The following NTRK1 variants were observed in gnomAD, a reference collection of about 807,000 sequenced individuals.
The protein encoded by NTRK1 is neurotrophic receptor tyrosine kinase 1, also known as high affinity nerve growth factor receptor.
Under a neutral mutation model 86.8 loss-of-function variants are expected in NTRK1, and 62 were observed. The ratio of observed to expected loss-of-function variants is 0.71; its 90% CI spans 0.58 to 0.88. NTRK1 has a LOEUF of 0.88. Ranked by LOEUF, NTRK1 falls within the 40% of genes least tolerant of loss-of-function variation. NTRK1 has a pLI of 0.00. For synonymous variants in NTRK1, 469 were observed against 456.6 expected (o/e 1.03, Z -0.35); for missense variants, 967 against 1,078.4 (o/e 0.90, Z 1.45).
Position 156,864,745 on chromosome 1 carries a change from G to A in NTRK1, c.305G>A (p.Gly102Asp), listed in dbSNP as rs374170641. 12 of 1,613,986 alleles carry A rather than the reference G, an allele frequency of 7.4e-6. No homozygotes were observed. The highest frequency in any genetic ancestry group is 9.3e-6 in the Non-Finnish European group (11 of 1,180,006). Residue 102 changes from glycine (G) to aspartate (D), a missense_variant, in exon 3 of 17, where the codon GGT becomes GAT. By Grantham distance (94) the Gly-to-Asp change is moderately conservative. This residue lies in a region of NTRK1 where 330 missense variants were observed against 302.0 expected (regional missense o/e 1.09). Coordinates refer to ENST00000524377, the MANE Select transcript of NTRK1 (RefSeq NM_002529.4). ...ELRNLTIVKS[G>D]LRFVAPDAFH... is the part of the protein sequence containing the mutation. ...CTCCCCAGCACCATCGTGAAGAGTG[G>A]TCTCCGTTTCGTGGCGCCAGATGCC...
chr1:156,844,526 C>T (rs1387798839), intron 2 of NTRK1: 2 of 1,614,142 alleles, frequency 1.2e-6, no homozygotes. Context: ...GTGAGGTTGC[C>T]CTAACCCTGG....
chr1:156,878,793 C>T (rs1324733121), intron 14 of NTRK1, among the ~76,000 whole-genome samples: 3 of 152,102 alleles, frequency 2.0e-5, no homozygotes, highest in Non-Finnish European at 4.4e-5. Context: ...GGAAAGACAC[C>T]GAGCTCCAAT....
In NTRK1 at chr1:156,841,444, G is replaced by A. The variant is rs766058911; in HGVS notation, c.-63-637G>A. On this transcript the variant is annotated intron_variant, in intron 1 of 16. Transcript: ENST00000392302. ...CCTCCAGGACCCCGCCATCCATGACGAACTTCAGCACCTGCTCATTGGACA... is the reference window on the plus strand; with the variant it reads ...CCTCCAGGACCCCGCCATCCATGACAAACTTCAGCACCTGCTCATTGGACA... 57 of 1,613,788 alleles carry A rather than the reference G, an allele frequency of 3.5e-5. No individual in the cohort carries two copies. The Admixed American group carries it at 6.5e-4, about 18-fold the overall frequency.
At chr1:156,845,076 T>A (rs150115105) in intron 2 of NTRK1, 2 of 1,604,914 alleles carry the variant, frequency 1.2e-6, no homozygotes, top group Non-Finnish European at 1.7e-6. Context: ...GATCACCTAC[T>A]GTGGGGCATG....
intron 2 of NTRK1, chr1:156,846,817 C>T (rs1655032089): frequency 1.4e-6 from 2 of 1,379,780 alleles, no homozygotes; most frequent in South Asian, 1.2e-5. Flanking sequence ...TTCTGGCACC[C>T]CCGCTCTGAA....
chr1:156,842,530 GC>G, intron 2 of NTRK1: 1 of 1,590,592 alleles, frequency 6.3e-7, no homozygotes, highest in South Asian at 1.1e-5. Flanking sequence ...AAAGGGCCTA[GC>G]AGACCCCCTA....
In NTRK1 at chr1:156,852,150, C is replaced by T. The variant is rs141091280; in HGVS notation, c.50+9957C>T. On this transcript the variant is annotated intron_variant, in intron 2 of 16. Coordinates refer to the NTRK1 transcript ENST00000392302. ...CCCAGGCATTCGGTGTGGCAGCACT[C>T]GCCCCTCGCTGTGCAAGCCATCCCA... The T allele has an allele frequency of 1.1e-4, 179 of 1,610,464 alleles. No homozygotes were observed. In the African/African-American group the frequency reaches 2.1e-3, roughly 19 times the overall value.
rs530178155 is a variant in NTRK1, at chr1:156,865,563, C to T, written c.359+764C>T. Among the ~76,000 whole-genome samples, 30 of 152,260 alleles carry T rather than the reference C, an allele frequency of 2.0e-4. No individual in the cohort carries two copies. In the East Asian group the frequency reaches 3.3e-3, roughly 17 times the overall value. On this transcript the variant is annotated intron_variant, in intron 3 of 16. Transcript: ENST00000524377. The stretch of plus-strand genomic sequence containing the variant: ...CCACATATTTGCCCTGTTTATAGCC[C>T]CTCTTCCTTGCTGTGCTTCTCTTTT...
chr1:156,844,910 C>T, intron 2 of NTRK1: 1 of 1,597,068 alleles, frequency 6.3e-7, no homozygotes, highest in Non-Finnish European at 8.5e-7. Flanking sequence ...CAAACCCAAG[C>T]TAAACTGGGC....
intron 2 of NTRK1, chr1:156,845,701 C>A: frequency 6.2e-7 from 1 of 1,613,480 alleles, no homozygotes; most frequent in South Asian, 1.1e-5. Context: ...GGGGGCAGAA[C>A]CTGACCAGGA....
intron 1 of NTRK1, among the ~76,000 whole-genome samples, chr1:156,827,118 T>C (rs1654337977): frequency 6.6e-6 from 1 of 151,602 alleles, no homozygotes; most frequent in Non-Finnish European, 1.5e-5. Flanking sequence ...GATCTCTCTC[T>C]GTCACTCAGG....
intron 6 of NTRK1, among the ~76,000 whole-genome samples, chr1:156,871,043 C>T (rs1238736626): frequency 6.6e-6 from 1 of 152,184 alleles, no homozygotes; most frequent in East Asian, 1.9e-4. Flanking sequence ...TTCTGATCTT[C>T]CTTGGGCTGA....
chr1:156,867,958 C>A, intron 4 of NTRK1, 146 bp from the exon 5 acceptor site: 1 of 890,556 alleles, frequency 1.1e-6, no homozygotes, highest in Non-Finnish European at 1.8e-6. Context: ...TGAATAACAT[C>A]CTGTTACTGG....
At chr1:156,844,424 GT>G in intron 2 of NTRK1, 3 of 1,601,320 alleles carry the variant, frequency 1.9e-6, no homozygotes, top group Non-Finnish European at 2.6e-6. Flanking sequence ...AGGTAGGGCT[GT>G]TCGGTGATAC....
intron 1 of NTRK1, among the ~76,000 whole-genome samples, chr1:156,838,274 G>A (rs1288630773): frequency 6.6e-6 from 1 of 152,102 alleles, no homozygotes; most frequent in Admixed American, 6.5e-5. Context: ...CCCATTCTCG[G>A]GTGGAAGACC....
chr1:156,850,565 T>TTTTG, intron 2 of NTRK1, among the ~76,000 whole-genome samples: 1 of 132,516 alleles, frequency 7.5e-6, no homozygotes, highest in African/African-American at 3.1e-5. Flanking sequence ...TTTTTTTTTT[T>TTTTG]GAGATGGAGT....
intron 1 of NTRK1, among the ~76,000 whole-genome samples, chr1:156,824,468 A>G (rs554084185): frequency 6.6e-6 from 1 of 152,242 alleles, no homozygotes; most frequent in East Asian, 1.9e-4. Flanking sequence ...TGCTCATGCA[A>G]TTTACTTATG....
chr1:156,846,732 C>A (rs532604169), intron 2 of NTRK1: 5 of 1,614,084 alleles, frequency 3.1e-6, no homozygotes, highest in Non-Finnish European at 3.4e-6. Flanking sequence ...TCTGGACCCA[C>A]GTGCTCTGTG....
In NTRK1 at chr1:156,848,401, C is replaced by T. The variant is rs574213274; in HGVS notation, c.50+6208C>T. 9.8e-5 allele frequency among the ~76,000 whole-genome samples: 15 copies of T among 152,286 alleles called. No homozygotes were observed. The South Asian group carries it at 1.7e-3, about 17-fold the overall frequency. ...AGGATATCTCCTTTTGATTCCTAAC[C>T]GTGTTTTTGGAGAAGTCTTTCCTGT... is the stretch of plus-strand genomic sequence containing the variant. On this transcript the variant is annotated intron_variant, in intron 2 of 16. Transcript: ENST00000392302.
Sources: allele counts gnomAD v4.1 joint callset (sites outside exome capture counted in the v4.1 genomes callset), GRCh38; gene constraint gnomAD v4.1.1; regional missense constraint gnomAD v4.1.1; transcripts MANE v1.5; gene names NCBI Gene and HGNC (gene_info 2026-07-23, HGNC 2026-07-21).